Variants in NEK11 observed in about 807,000 individuals in gnomAD.
The protein encoded by NEK11 is serine/threonine-protein kinase Nek11.
NEK11 carries 72 observed loss-of-function variants against 80.7 expected under a neutral mutation model. The ratio of observed to expected loss-of-function variants is 0.89; its 90% confidence interval spans 0.74 to 1.08. NEK11 has a LOEUF of 1.08. NEK11 is among the 50% of genes least tolerant of loss of function. The pLI is 0.00. For synonymous variants in NEK11, 251 were observed against 260.7 expected, an observed-to-expected ratio of 0.96 and a Z score of 0.36; for missense variants, 764 against 763.6, an observed-to-expected ratio of 1.00 and a Z score of -0.01.
chr3:131,106,505 T>C (rs2079206022), intron 4 of NEK11, among the ~76,000 whole-genome samples: 2 of 152,230 alleles, frequency 1.3e-5, no homozygotes, highest in South Asian at 4.1e-4. Flanking sequence ...CATGAACTTA[T>C]TTTACTAAAT....
At chr3:131,105,007 CT>C (rs2078972980) in intron 4 of NEK11, among the ~76,000 whole-genome samples, 1 of 152,198 alleles carries the variant, frequency 6.6e-6, no homozygotes, top group Admixed American at 6.5e-5. Context: ...GTCGCTGTTG[CT>C]TCTTTGATGA....
At chr3:131,131,395 A>G (rs922454436) in intron 5 of NEK11, among the ~76,000 whole-genome samples, 1 of 152,090 alleles carries the variant, frequency 6.6e-6, no homozygotes, top group Admixed American at 6.6e-5. Context: ...GATTGAATGT[A>G]TTTACTGAAG....
intron 5 of NEK11, among the ~76,000 whole-genome samples, chr3:131,111,153 G>C (rs1293713492): frequency 1.3e-5 from 2 of 151,962 alleles, no homozygotes; most frequent in Non-Finnish European, 2.9e-5. Context: ...ATACAAAACT[G>C]GAATTTGGTT....
At chr3:131,072,555 A>C (rs1162000031) in intron 3 of NEK11, among the ~76,000 whole-genome samples, 2 of 152,194 alleles carry the variant, frequency 1.3e-5, no homozygotes, top group Non-Finnish European at 2.9e-5. Context: ...ATAAATAAGA[A>C]AAATAGAATT....
At chr3:131,135,441 G>T (rs1171726856) in intron 7 of NEK11, among the ~76,000 whole-genome samples, 1 of 152,066 alleles carries the variant, frequency 6.6e-6, no homozygotes, top group East Asian at 1.9e-4. Context: ...GGTATGTATA[G>T]AGGAATAACT....
At chr3:131,217,624 T>C (rs530811610) in intron 14 of NEK11, among the ~76,000 whole-genome samples, 17 of 152,278 alleles carry the variant, frequency 1.1e-4, no homozygotes, top group Admixed American at 1.0e-3. Context: ...ATTTGGCGTC[T>C]TACAGAGCAC....
intron 17 of NEK11, among the ~76,000 whole-genome samples, chr3:131,307,289 G>A (rs753030966): frequency 2.0e-5 from 3 of 152,190 alleles, no homozygotes; most frequent in African/African-American, 4.8e-5. Flanking sequence ...GAGCCACTGC[G>A]TTTGCAGAGA....
chr3:131,323,230 AG>A (rs1482574017), intron 17 of NEK11, among the ~76,000 whole-genome samples: 2 of 152,264 alleles, frequency 1.3e-5, no homozygotes. Flanking sequence ...TAAAAAACTC[AG>A]CATTTCTAGG....
intron 14 of NEK11, among the ~76,000 whole-genome samples, chr3:131,213,646 T>C (rs1288585485): frequency 4.6e-5 from 7 of 152,128 alleles, no homozygotes; most frequent in East Asian, 1.9e-4. Flanking sequence ...CAGAAATCAG[T>C]GGTCTATTCT....
chr3:131,159,270 G>A (rs566022127), intron 10 of NEK11, among the ~76,000 whole-genome samples: 26 of 152,288 alleles, frequency 1.7e-4, no homozygotes, highest in African/African-American at 6.0e-4. Context: ...CGTAGCAAGG[G>A]TTCTGAGACA....
At chr3:131,109,965 G>T in intron 5 of NEK11, 44 bp downstream of exon 5, 1 of 1,542,208 alleles carries the variant, frequency 6.5e-7, no homozygotes, top group South Asian at 1.3e-5. Flanking sequence ...ATTTTTAACA[G>T]TCATGTTTGA....
chr3:131,239,673 G>A (rs1390581215), intron 15 of NEK11, among the ~76,000 whole-genome samples: 1 of 152,148 alleles, frequency 6.6e-6, no homozygotes, highest in Non-Finnish European at 1.5e-5. Flanking sequence ...ACACCTTCAA[G>A]GTGAAGGAGC....
intron 4 of NEK11, among the ~76,000 whole-genome samples, chr3:131,101,431 C>G (rs2078345888): frequency 6.6e-6 from 1 of 151,766 alleles, no homozygotes; most frequent in East Asian, 1.9e-4. Flanking sequence ...TGTTGTGTCT[C>G]TATTTTCATT....
At chr3:131,225,264 A>G (rs1282753270) in intron 14 of NEK11, among the ~76,000 whole-genome samples, 2 of 152,246 alleles carry the variant, frequency 1.3e-5, no homozygotes, top group Non-Finnish European at 2.9e-5. Context: ...GTGTAGTAAC[A>G]TGCTGTACAG....
At chr3:131,273,107 A>T (rs1467701405) in intron 16 of NEK11, among the ~76,000 whole-genome samples, 1 of 152,216 alleles carries the variant, frequency 6.6e-6, no homozygotes, top group South Asian at 2.1e-4. Context: ...TCACTTAGTC[A>T]AACATCCACA....
At chr3:131,195,793 AATATATATAT>A (rs58272752) in intron 14 of NEK11, among the ~76,000 whole-genome samples, 31 of 133,892 alleles carry the variant, frequency 2.3e-4, no homozygotes, top group African/African-American at 7.2e-4. Context: ...TATATTTCAG[AATATATATAT>A]ATATATATAT....
chr3:131,076,775 C>T (rs372462872), intron 3 of NEK11, among the ~76,000 whole-genome samples: 1 of 152,146 alleles, frequency 6.6e-6, no homozygotes, highest in Non-Finnish European at 1.5e-5. Context: ...AAAAACACAA[C>T]CATACATGTT....
chr3:131,207,356 G>T (rs1195513207), intron 14 of NEK11, among the ~76,000 whole-genome samples: 1 of 152,142 alleles, frequency 6.6e-6, no homozygotes, highest in Non-Finnish European at 1.5e-5. Context: ...GGCTGAGGCG[G>T]GTGGATCACG....
chr3:131,054,027 G>A (rs929211773), intron 3 of NEK11, among the ~76,000 whole-genome samples: 1 of 152,226 alleles, frequency 6.6e-6, no homozygotes, highest in African/African-American at 2.4e-5. Flanking sequence ...TAGGGACAGA[G>A]GGTGTAACCC....
Sources: allele counts gnomAD v4.1 joint callset (sites outside exome capture counted in the v4.1 genomes callset), GRCh38; gene constraint gnomAD v4.1.1; transcripts MANE v1.5; gene names NCBI Gene and HGNC (gene_info 2026-07-23, HGNC 2026-07-21).